The following DMD variants were observed in gnomAD, a reference collection of about 807,000 sequenced individuals.
DMD encodes dystrophin.
In DMD, 63 loss-of-function variants were observed where a neutral mutation model predicts 330.1. The ratio of observed to expected loss-of-function variants is 0.19; its 90% CI spans 0.16 to 0.24. The LOEUF is 0.24. DMD is among the 10% of genes least tolerant of loss of function. The pLI is 1.00. For missense variants in DMD, 3,344 were observed against 2,684.1 expected (o/e 1.25, Z -5.43); for synonymous variants, 1,223 against 959.8 (o/e 1.27, Z -5.07).
chrX:32,240,265 C>T (rs765981975), intron 43 of DMD, among the ~76,000 whole-genome samples: 27 of 111,648 alleles, frequency 2.4e-4, no homozygotes, highest in African/African-American at 1.3e-4. Flanking sequence ...AAAATTTATA[C>T]GTTGAAATCC....
chrX:31,342,981 T>C (rs1310145279), intron 61 of DMD, among the ~76,000 whole-genome samples: 1 of 110,885 alleles, frequency 9.0e-6, no homozygotes, highest in Non-Finnish European at 1.9e-5. Context: ...TTTCACCAGG[T>C]TGGCCAGGCT....
intron 43 of DMD, among the ~76,000 whole-genome samples, chrX:32,225,611 G>A (rs1162167956): frequency 9.0e-6 from 1 of 111,192 alleles, no homozygotes; most frequent in African/African-American, 3.3e-5. Flanking sequence ...AGAGGTGACT[G>A]GATCATCAGG....
At position 32,355,966 on chromosome X, in the gene DMD, T is replaced by C. The variant is rs932412702; in HGVS notation, c.5325+6822A>G. Among the ~76,000 whole-genome samples the C allele has an allele frequency of 4.5e-5, 5 of 110,614 alleles. No homozygotes were observed. In the East Asian group the frequency reaches 1.4e-3, roughly 31 times the overall value. On this transcript the variant is annotated intron_variant, in intron 37 of 78. Coordinates refer to ENST00000357033, the MANE Select transcript of DMD (RefSeq NM_004006.3). ...ATATATAGCAAGAATACTGTTCCAA[T>C]TAAGATACAATATTATTTTCCATCA...
chrX:32,898,060 T>G (rs759051806), intron 2 of DMD, among the ~76,000 whole-genome samples: 1 of 112,323 alleles, frequency 8.9e-6, no homozygotes, highest in South Asian at 3.7e-4. Flanking sequence ...GGCTCTATAT[T>G]TGAGCCTCCA....
At chrX:32,842,774 A>G (rs1405507458) in intron 4 of DMD, among the ~76,000 whole-genome samples, 5 of 110,870 alleles carry the variant, frequency 4.5e-5, no homozygotes, top group Non-Finnish European at 9.4e-5. Flanking sequence ...GTGGCTGCAT[A>G]GTATTGTATT....
chrX:33,110,673 G>C (rs1339763921), intron 1 of DMD, among the ~76,000 whole-genome samples: 1 of 111,367 alleles, frequency 9.0e-6, no homozygotes, highest in Non-Finnish European at 1.9e-5. Flanking sequence ...TGAAAATAAA[G>C]ATGTAATTTT....
rs190357155 is a variant in DMD at position 32,877,392 on chromosome X, T to C, written c.94-27572A>G. Reference sequence around the variant, plus strand: ...AATGCTAACATTTGAAAAAAGCTTCTTTAATAATGCTATAATTCTGAACTT... The same window carrying C: ...AATGCTAACATTTGAAAAAAGCTTCCTTAATAATGCTATAATTCTGAACTT... On this transcript the variant is annotated intron_variant, in intron 2 of 78. Transcript: ENST00000357033. 3.6e-4 allele frequency among the ~76,000 whole-genome samples: 41 copies of C among 112,880 alleles called. No homozygotes were observed. The East Asian group carries it at 5.3e-3, about 15-fold the overall frequency.
At chrX:33,029,103 C>T (rs189022829) in intron 1 of DMD, among the ~76,000 whole-genome samples, 17 of 111,378 alleles carry the variant, frequency 1.5e-4, no homozygotes, top group Admixed American at 6.7e-4. Flanking sequence ...TCTACTAAGT[C>T]CTAGACCAAT....
chrX:32,845,525 C>T (rs2080575910), intron 3 of DMD, among the ~76,000 whole-genome samples: 1 of 111,756 alleles, frequency 8.9e-6, no homozygotes. Context: ...TTTTACCTTA[C>T]TACAAGCCCT....
At chrX:32,245,284 T>C (rs1260276116) in intron 43 of DMD, among the ~76,000 whole-genome samples, 2 of 66,471 alleles carry the variant, frequency 3.0e-5, no homozygotes, top group African/African-American at 6.4e-5. Flanking sequence ...GTATGTGGCG[T>C]TATTTCTGAG....
At chrX:33,199,100 C>A (rs1052725115) in intron 1 of DMD, among the ~76,000 whole-genome samples, 2 of 111,202 alleles carry the variant, frequency 1.8e-5, no homozygotes, top group African/African-American at 6.5e-5. Flanking sequence ...TTTTGTTTGG[C>A]TTTCCTAGCA....
chrX:32,208,387 G>C lies in DMD; in HGVS notation c.6438+8529C>G, dbSNP rs148014350. On this transcript the variant is annotated intron_variant, in intron 44 of 78. Coordinates refer to ENST00000357033, the MANE Select transcript of DMD (RefSeq NM_004006.3). ...GTTATGTTCTGCAGGCTCTCCAAGG[G>C]GACTCAACCTTCTTTACAAAAGGAG... Among the ~76,000 whole-genome samples, 541 of 111,528 alleles carry C rather than the reference G, an allele frequency of 4.9e-3. 4 individuals are homozygous for C. Among genetic ancestry groups the C allele is most frequent in the African/African-American group, 0.017 (519 of 30,756 alleles).
chrX:31,411,809 C>G (rs953463952), intron 60 of DMD, among the ~76,000 whole-genome samples: 4 of 108,923 alleles, frequency 3.7e-5, no homozygotes, highest in African/African-American at 1.0e-4. Context: ...AATTTTTGTA[C>G]TTTTAGTAGA....
chrX:32,048,349 A>T (rs776567017), intron 44 of DMD, among the ~76,000 whole-genome samples: 6 of 103,510 alleles, frequency 5.8e-5, no homozygotes, highest in East Asian at 6.1e-4. Context: ...ATGCTTTTAA[A>T]TTTTTTTTTT....
rs1242439582 is a variant in DMD, at chrX:31,774,225, AAAG to A, written c.7310-36_7310-34del. On this transcript the variant is annotated intron_variant, in intron 50 of 78. Transcript: ENST00000357033. ...ATTTTGGGTTTTTGCAAAAAGGAAA[AAAG>A]AAGAAAAAGAAAAATTAGAAACACA... 16 of 1,031,673 alleles carry A rather than the reference AAAG, an allele frequency of 1.6e-5. No homozygotes were observed. The Admixed American group carries it at 3.5e-4, about 23-fold the overall frequency. The allele number at this position is 1,031,673 out of a possible 1,213,427, so 85.0% of individuals were successfully genotyped here.
intron 9 of DMD, among the ~76,000 whole-genome samples, chrX:32,674,293 T>C (rs957052394): frequency 1.6e-4 from 18 of 111,707 alleles, no homozygotes; most frequent in Non-Finnish European, 2.6e-4. Context: ...TAAAGACTAA[T>C]TGAAAGGGAC....
intron 7 of DMD, among the ~76,000 whole-genome samples, chrX:32,769,511 C>A (rs1422266362): frequency 8.9e-6 from 1 of 111,991 alleles, no homozygotes; most frequent in African/African-American, 3.2e-5. Flanking sequence ...GGACTTATAC[C>A]TGGGCTACAT....
At chrX:31,670,269 C>T (rs1196019620) in intron 53 of DMD, among the ~76,000 whole-genome samples, 2 of 111,604 alleles carry the variant, frequency 1.8e-5, no homozygotes, top group Admixed American at 1.9e-4. Context: ...CCTTTCTAAT[C>T]TGGATGTCTT....
chrX:32,508,862 G>C (rs754955852), intron 18 of DMD, among the ~76,000 whole-genome samples: 52 of 110,114 alleles, frequency 4.7e-4, no homozygotes, highest in Non-Finnish European at 8.2e-4. Context: ...CCAGGCTGGA[G>C]TGCAGTGGCG....
Sources: gnomAD v4.1 joint callset for allele counts (sites outside exome capture counted in the v4.1 genomes callset) on GRCh38, gnomAD v4.1.1 for gene constraint, MANE v1.5 for transcripts, NCBI Gene and HGNC (gene_info 2026-07-23, HGNC 2026-07-21) for gene names.